Variants in PCDHA4 observed in about 807,000 individuals in gnomAD.
PCDHA4 encodes the protein protocadherin alpha 4.
A neutral mutation model predicts 61.4 loss-of-function variants in PCDHA4; 49 were observed. That is an observed-to-expected ratio of 0.80 (90% CI 0.63 to 1.01). The LOEUF (loss-of-function observed/expected upper bound fraction) is 1.01. Among genes scored for constraint, PCDHA4 ranks in the 50% least tolerant of loss-of-function variants. PCDHA4 has a pLI of 0.00. For synonymous variants in PCDHA4, 590 were observed against 550.3 expected (o/e 1.07, Z -1.01); for missense variants, 1,254 against 1,235.8 (o/e 1.01, Z -0.22).
At chr5:140,836,095 G>T in intron 1 of PCDHA4, 2 of 1,613,694 alleles carry the variant, frequency 1.2e-6, no homozygotes, top group Non-Finnish European at 1.7e-6. Context: ...CCTCGGGTGG[G>T]TGGCACTGGT....
rs370676797 is a variant in PCDHA4, at chr5:141,009,968, A to G, written c.*31A>G. On this transcript the variant is annotated 3_prime_UTR_variant, in exon 4 of 4. Transcript: ENST00000530339. ...TCAAATGGAAACAAGCCACTTAGCC[A>G]GTTTTTGTAATAATGGCAAATCTCT... 1.4e-5 allele frequency: 22 copies of G among 1,586,626 alleles called. No homozygotes were observed. The highest frequency in any genetic ancestry group is 1.6e-5 in the Non-Finnish European group (19 of 1,169,786).
chr5:140,842,233 T>C (rs2150332327), intron 1 of PCDHA4: 1 of 1,612,914 alleles, frequency 6.2e-7, no homozygotes, highest in Admixed American at 1.7e-5. Context: ...AAATAGTGAT[T>C]CGGGGTAATT....
intron 1 of PCDHA4, chr5:140,862,180 CA>C (rs1408132694): frequency 6.0e-6 from 1 of 165,728 alleles, no homozygotes; most frequent in African/African-American, 2.4e-5. Context: ...GCAGTTGACA[CA>C]GGCAATTCCC....
Position 140,807,141 on chromosome 5 carries a change from A to C in PCDHA4, c.-47A>C. On this transcript the variant is annotated 5_prime_UTR_variant, in exon 1 of 4. An upstream open reading frame in the 5' UTR loses its in-frame stop. Coordinates refer to ENST00000530339, the MANE Select transcript of PCDHA4 (RefSeq NM_018907.4). The stretch of plus-strand genomic sequence containing the variant: ...CTGACCGATTAAAAGATTTCCCTTG[A>C]CTTTGAGAAACGATATTTAATCAGA... 6.4e-7 allele frequency: 1 copy of C among 1,570,926 alleles called. No individual in the cohort carries two copies. The highest frequency in any genetic ancestry group is 8.6e-7 in the Non-Finnish European group (1 of 1,157,440).
chr5:140,869,896 A>T (rs781921753), intron 1 of PCDHA4: 7 of 1,610,768 alleles, frequency 4.3e-6, no homozygotes, highest in Non-Finnish European at 4.2e-6. Context: ...GCTCAAACTA[A>T]ACGCCACAGA....
At chr5:140,940,390 T>C (rs2092601477) in intron 1 of PCDHA4, among the ~76,000 whole-genome samples, 1 of 152,194 alleles carries the variant, frequency 6.6e-6, no homozygotes. Flanking sequence ...ATTTTGGTTA[T>C]TGTGTTTTTC....
At chr5:140,872,883 A>G (rs1249618014) in intron 1 of PCDHA4, among the ~76,000 whole-genome samples, 1 of 152,204 alleles carries the variant, frequency 6.6e-6, no homozygotes, top group Non-Finnish European at 1.5e-5. Flanking sequence ...AGTTTCATTC[A>G]TCTCACTTTG....
chr5:140,989,609 T>C (rs782186182), intron 3 of PCDHA4, among the ~76,000 whole-genome samples: 4 of 152,178 alleles, frequency 2.6e-5, no homozygotes, highest in Non-Finnish European at 5.9e-5. Flanking sequence ...AAACTAAAAA[T>C]GAAAGTCTGT....
At chr5:140,913,610 A>C (rs1271705435) in intron 1 of PCDHA4, among the ~76,000 whole-genome samples, 2 of 151,906 alleles carry the variant, frequency 1.3e-5, no homozygotes, top group African/African-American at 4.8e-5. Flanking sequence ...TATTTTCTCT[A>C]CTAATTTTGG....
intron 1 of PCDHA4, among the ~76,000 whole-genome samples, chr5:140,897,257 T>C (rs1554187284): frequency 6.6e-6 from 1 of 151,916 alleles, no homozygotes; most frequent in Non-Finnish European, 1.5e-5. Context: ...TATGTATACA[T>C]GTGCCATGCT....
intron 1 of PCDHA4, among the ~76,000 whole-genome samples, chr5:140,840,092 G>T (rs1554137685): frequency 6.6e-6 from 1 of 151,972 alleles, no homozygotes; most frequent in Admixed American, 6.6e-5. Flanking sequence ...ACTTGTTGAA[G>T]ATTTTAGTGA....
At chr5:140,834,528 G>A (rs2150220380) in intron 1 of PCDHA4, 2 of 1,614,086 alleles carry the variant, frequency 1.2e-6, no homozygotes, top group Non-Finnish European at 8.5e-7. Context: ...GGGCCGCATC[G>A]CGCAGGACCT....
intron 1 of PCDHA4, chr5:140,863,299 G>T (rs868935823): frequency 1.4e-6 from 2 of 1,462,780 alleles, no homozygotes; most frequent in Non-Finnish European, 9.3e-7. Flanking sequence ...CCTGATCATC[G>T]CCATCTGCGT....
At chr5:140,928,056 G>T (rs183490994) in intron 1 of PCDHA4, 1 of 1,614,154 alleles carries the variant, frequency 6.2e-7, no homozygotes, top group Admixed American at 1.7e-5. Flanking sequence ...TTCAGCTGAC[G>T]GCTTCCTTTG....
At chr5:141,001,974 C>T (rs1375819013) in intron 3 of PCDHA4, among the ~76,000 whole-genome samples, 1 of 152,136 alleles carries the variant, frequency 6.6e-6, no homozygotes, top group African/African-American at 2.4e-5. Flanking sequence ...TGTCTCTGCG[C>T]GGAAAGCCTG....
intron 1 of PCDHA4, chr5:140,969,147 A>C (rs781909774): frequency 1.2e-6 from 2 of 1,614,172 alleles, no homozygotes; most frequent in South Asian, 2.2e-5. Flanking sequence ...TACTGCTACA[A>C]GGCCTGTCTG....
rs2153463747 is a variant in PCDHA4 at position 140,899,363 on chromosome 5, C to G, written c.2386-79586C>G. On this transcript the variant is annotated intron_variant, in intron 1 of 3. Coordinates refer to ENST00000530339, the MANE Select transcript of PCDHA4 (RefSeq NM_018907.4). ...AGCTCTTATTATTTTGAGATATGTC[C>G]CATCAATACCTAATTTATTGAGAGT... Among the ~76,000 whole-genome samples, 3 of 152,122 alleles carry G rather than the reference C, an allele frequency of 2.0e-5. No individual in the cohort carries two copies. The South Asian group carries it at 6.2e-4, about 32-fold the overall frequency.
chr5:140,875,687 G>T, intron 1 of PCDHA4: 10 of 1,614,012 alleles, frequency 6.2e-6, no homozygotes, highest in Non-Finnish European at 8.5e-6. Context: ...AAAAGACACG[G>T]GGACCTTCTG....
chr5:140,991,635 T>C (rs1215420696), intron 3 of PCDHA4, among the ~76,000 whole-genome samples: 1 of 152,220 alleles, frequency 6.6e-6, no homozygotes, highest in East Asian at 1.9e-4. Flanking sequence ...GTAATAACAA[T>C]CTGTTCATGA....
Sources: allele counts gnomAD v4.1 joint callset (sites outside exome capture counted in the v4.1 genomes callset), GRCh38; gene constraint gnomAD v4.1.1; transcripts MANE v1.5; gene names NCBI Gene and HGNC (gene_info 2026-07-23, HGNC 2026-07-21).